LIMCH1: variants seen among roughly 807,000 people sequenced by gnomAD.
LIMCH1 encodes the protein LIM and calponin homology domains 1.
Under a neutral mutation model 176.5 loss-of-function variants are expected in LIMCH1, and 113 were observed. The ratio of observed to expected loss-of-function variants is 0.64; its 90% CI spans 0.55 to 0.75. The LOEUF (loss-of-function observed/expected upper bound fraction) is 0.75, where lower values mean the gene tolerates loss of function less well. Ranked by LOEUF, LIMCH1 falls within the 30% of genes least tolerant of loss-of-function variation. LIMCH1 has a pLI of 0.00. For missense variants in LIMCH1, 1,674 were observed against 1,814.9 expected (o/e 0.92, Z 1.41); for synonymous variants, 619 against 645.9 (o/e 0.96, Z 0.63).
intron 13 of LIMCH1, among the ~76,000 whole-genome samples, chr4:41,638,646 G>A (rs2093695132): frequency 6.6e-6 from 1 of 152,178 alleles, no homozygotes; most frequent in South Asian, 2.1e-4. Context: ...AAGCCTTTCT[G>A]TGTTTATATT....
intron 1 of LIMCH1, among the ~76,000 whole-genome samples, chr4:41,392,835 A>T (rs540987621): frequency 8.5e-5 from 13 of 152,148 alleles, no homozygotes; most frequent in Non-Finnish European, 1.9e-4. Flanking sequence ...ATTCGAGACC[A>T]GCCTGGGCAA....
intron 26 of LIMCH1, 93 bp from the exon 27 acceptor site, chr4:41,684,304 A>G (rs1718803792): frequency 1.9e-6 from 2 of 1,047,966 alleles, no homozygotes; most frequent in Admixed American, 2.4e-5. Context: ...TTTATATTGT[A>G]ATTGGTACTC....
chr4:41,454,626 T>C (rs968507908), intron 1 of LIMCH1, among the ~76,000 whole-genome samples: 1 of 152,126 alleles, frequency 6.6e-6, no homozygotes, highest in African/African-American at 2.4e-5. Context: ...AACAGTCCCC[T>C]GAGTATGTGT....
intron 26 of LIMCH1, among the ~76,000 whole-genome samples, chr4:41,684,087 T>C (rs943730955): frequency 6.6e-6 from 1 of 152,182 alleles, no homozygotes; most frequent in African/African-American, 2.4e-5. Context: ...GTGGCTAAAT[T>C]ATTTTTACAG....
chr4:41,559,549 T>G (rs532650147), intron 1 of LIMCH1, among the ~76,000 whole-genome samples: 33 of 152,228 alleles, frequency 2.2e-4, no homozygotes, highest in Non-Finnish European at 3.5e-4. Flanking sequence ...CATCCTCTTC[T>G]TCAGGTGCAA....
At chr4:41,495,342 G>T (rs915398822) in intron 2 of LIMCH1, among the ~76,000 whole-genome samples, 117 of 152,254 alleles carry the variant, frequency 7.7e-4, no homozygotes, top group Non-Finnish European at 1.5e-4. Context: ...GCTCCTAACT[G>T]TACAATCTAA....
At chr4:41,690,927 A>G (rs1389344184) in intron 30 of LIMCH1, among the ~76,000 whole-genome samples, 3 of 152,188 alleles carry the variant, frequency 2.0e-5, no homozygotes, top group African/African-American at 7.2e-5. Context: ...TAAATGGTCT[A>G]GGGATGTTTT....
chr4:41,560,743 G>T (rs992035332), intron 1 of LIMCH1, among the ~76,000 whole-genome samples: 1 of 151,670 alleles, frequency 6.6e-6, no homozygotes, highest in Non-Finnish European at 1.5e-5. Flanking sequence ...AATCGGTCAG[G>T]CATGGTGGCA....
chr4:41,617,885 TA>T (rs2092258505), intron 5 of LIMCH1, among the ~76,000 whole-genome samples: 1 of 152,210 alleles, frequency 6.6e-6, no homozygotes, highest in Admixed American at 6.5e-5. Flanking sequence ...ATTAAGCACT[TA>T]GGCTGCCCCA....
intron 1 of LIMCH1, among the ~76,000 whole-genome samples, chr4:41,380,265 C>G (rs1366555021): frequency 6.6e-6 from 1 of 152,064 alleles, no homozygotes; most frequent in Non-Finnish European, 1.5e-5. Context: ...GTTCTGGAAA[C>G]TTTTATTTAA....
In LIMCH1 at chr4:41,633,543, C is replaced by T; in HGVS notation, c.1830-5C>T. 2 of 1,535,710 alleles carry T rather than the reference C, an allele frequency of 1.3e-6. No homozygotes were observed. Among genetic ancestry groups the T allele is most frequent in the South Asian group, 2.4e-5 (2 of 84,030 alleles). ...TTTGACTGGCTGGACTGAATGTTGC[C>T]CTAGGGTGTGTCCTCTGGCCTCTGA... On this transcript the variant is annotated splice_polypyrimidine_tract_variant and splice_region_variant and intron_variant, in intron 12 of 31. Transcript: ENST00000503057.
chr4:41,377,394 T>A (rs1366460588), intron 1 of LIMCH1, among the ~76,000 whole-genome samples: 1 of 152,148 alleles, frequency 6.6e-6, no homozygotes, highest in South Asian at 2.1e-4. Context: ...CAAAAACAAG[T>A]GATATGGCCA....
chr4:41,393,396 A>G (rs993464858), intron 1 of LIMCH1, among the ~76,000 whole-genome samples: 3 of 152,220 alleles, frequency 2.0e-5, no homozygotes, highest in Admixed American at 6.5e-5. Context: ...TCACGGCAAT[A>G]AAGTGTGCAT....
At chr4:41,558,985 C>A (rs1422588565) in intron 1 of LIMCH1, among the ~76,000 whole-genome samples, 1 of 152,058 alleles carries the variant, frequency 6.6e-6, no homozygotes, top group South Asian at 2.1e-4. Context: ...TTGAGAAACA[C>A]CTACAGATTT....
chr4:41,489,717 A>G (rs2070396718), intron 1 of LIMCH1, among the ~76,000 whole-genome samples: 2 of 151,920 alleles, frequency 1.3e-5, no homozygotes, highest in South Asian at 4.2e-4. Flanking sequence ...TTCCAAGACT[A>G]TGAGTTATCT....
intron 14 of LIMCH1, 41 bp from the exon 15 acceptor site, chr4:41,644,459 C>T: frequency 6.9e-7 from 1 of 1,449,506 alleles, no homozygotes; most frequent in Non-Finnish European, 9.1e-7. Flanking sequence ...GCGACGGGCG[C>T]TGATCGCGGT....
chr4:41,438,848 T>A (rs528911727), intron 1 of LIMCH1, among the ~76,000 whole-genome samples: 2 of 152,296 alleles, frequency 1.3e-5, no homozygotes, highest in African/African-American at 4.8e-5. Context: ...GCAAGATGAG[T>A]CCTGCCATCA....
intron 17 of LIMCH1, among the ~76,000 whole-genome samples, chr4:41,648,313 A>C (rs2094146014): frequency 6.6e-6 from 1 of 152,238 alleles, no homozygotes; most frequent in Admixed American, 6.5e-5. Flanking sequence ...CAGAAGGATT[A>C]GCATAAATGA....
chr4:41,692,429 A>G lies in LIMCH1; in HGVS notation c.4378+45A>G, dbSNP rs760553081. The stretch of plus-strand genomic sequence containing the variant: ...CCTCATGATGACCGAGTGTAATCGT[A>G]TGTCTTCCATAGGACCCAATTTAGG... On this transcript the variant is annotated intron_variant, in intron 31 of 31. Transcript: ENST00000503057. The G allele has an allele frequency of 3.3e-6, 4 of 1,201,362 alleles. No individual in the cohort carries two copies. In the South Asian group the frequency reaches 3.7e-5, roughly 11 times the overall value. The allele number at this position is 1,201,362 out of a possible 1,614,324, so 74.4% of individuals were successfully genotyped here. A position where few individuals can be genotyped will look rare whatever the true frequency, so the allele number is the denominator to read the frequency against.
Sources: gnomAD v4.1 joint callset for allele counts (sites outside exome capture counted in the v4.1 genomes callset) on GRCh38, gnomAD v4.1.1 for gene constraint, MANE v1.5 for transcripts, NCBI Gene and HGNC (gene_info 2026-07-23, HGNC 2026-07-21) for gene names.